LRRC37A2: variants seen among roughly 807,000 people sequenced by gnomAD.
LRRC37A2 encodes leucine rich repeat containing 37 member A2, also known as leucine-rich repeat-containing protein 37A2.
In LRRC37A2, 9 loss-of-function variants were observed where a neutral mutation model predicts 68.8. The ratio of observed to expected loss-of-function variants is 0.13; its 90% CI spans 0.08 to 0.23. The LOEUF (loss-of-function observed/expected upper bound fraction) is 0.23, where lower values mean the gene tolerates loss of function less well. Among genes scored for constraint, LRRC37A2 ranks in the 10% least tolerant of loss-of-function variants. LRRC37A2 has a pLI of 1.00. For missense variants in LRRC37A2, 168 were observed against 950.4 expected (o/e 0.18, Z 10.82); for synonymous variants, 63 against 367.6 (o/e 0.17, Z 9.48).
the LRRC37A2 span, among the ~76,000 whole-genome samples, chr17:46,786,093 A>T: frequency 8.9e-6 from 1 of 112,694 alleles, no homozygotes; most frequent in Non-Finnish European, 1.6e-5. Context: ...CAGGAAAGTG[A>T]AGTTGATAAG....
the LRRC37A2 span, among the ~76,000 whole-genome samples, chr17:46,733,452 G>A: frequency 6.6e-6 from 1 of 152,076 alleles, no homozygotes; most frequent in East Asian, 1.9e-4. Context: ...GAGTAGTTAA[G>A]CCTATTAACC....
chr17:46,907,504 C>T, the LRRC37A2 span, among the ~76,000 whole-genome samples: 1 of 151,400 alleles, frequency 6.6e-6, no homozygotes, highest in African/African-American at 2.4e-5. Flanking sequence ...CAGCTCTTGG[C>T]ATAAACAACA....
At chr17:46,541,046 A>G (rs1286467548) in intron 8 of LRRC37A2, among the ~76,000 whole-genome samples, 165 bp downstream of exon 7, 1 of 128,580 alleles carries the variant, frequency 7.8e-6, no homozygotes, top group East Asian at 2.3e-4. Context: ...TTACATAACC[A>G]CCACCACATT....
At chr17:46,553,618 GCAC>G (rs1433181574) in intron 12 of LRRC37A2, 169 bp downstream of exon 11, 1 of 483,226 alleles carries the variant, frequency 2.1e-6, no homozygotes, top group South Asian at 9.7e-5. Flanking sequence ...TTACAGGCAT[GCAC>G]CACTAGTCTC....
At chr17:46,413,481 TACACACACACACAC>T in the LRRC37A2 span, among the ~76,000 whole-genome samples, 5 of 24,766 alleles carry the variant, frequency 2.0e-4, no homozygotes, top group African/African-American at 3.0e-4. Context: ...TCTCTCTCTG[TACACACACACACAC>T]ACACACACAC....
At chr17:46,845,683 T>C in the LRRC37A2 span, among the ~76,000 whole-genome samples, 1 of 151,276 alleles carries the variant, frequency 6.6e-6, no homozygotes, top group East Asian at 1.9e-4. Flanking sequence ...TAGAGATGGG[T>C]TTCACCATCT....
At chr17:46,952,000 G>T in the LRRC37A2 span, among the ~76,000 whole-genome samples, 35 of 152,236 alleles carry the variant, frequency 2.3e-4, no homozygotes, top group Middle Eastern at 3.4e-3. Context: ...GCTATATTTG[G>T]TTCCTGCAAT....
At chr17:46,606,031 T>C in the LRRC37A2 span, among the ~76,000 whole-genome samples, 1 of 72,736 alleles carries the variant, frequency 1.4e-5, no homozygotes, top group East Asian at 4.0e-4. Context: ...AAAAAAAAAT[T>C]AGCCGGGTGT....
At chr17:47,021,944 T>C in the LRRC37A2 span, 1 of 1,502,266 alleles carries the variant, frequency 6.7e-7, no homozygotes, top group Non-Finnish European at 9.2e-7. Flanking sequence ...TCTCCAAATA[T>C]GACAAAAAGC....
the LRRC37A2 span, among the ~76,000 whole-genome samples, chr17:46,585,175 G>A: frequency 6.9e-6 from 1 of 145,626 alleles, no homozygotes; most frequent in African/African-American, 2.6e-5. Context: ...AAATTAGCCA[G>A]GTATGGTGGT....
At chr17:46,915,808 T>C in the LRRC37A2 span, among the ~76,000 whole-genome samples, 5 of 152,246 alleles carry the variant, frequency 3.3e-5, no homozygotes, top group African/African-American at 1.2e-4. Context: ...ACCTGACAAG[T>C]AGATTGCTTC....
the LRRC37A2 span, among the ~76,000 whole-genome samples, chr17:46,776,962 C>T: frequency 6.6e-6 from 1 of 152,174 alleles, no homozygotes; most frequent in African/African-American, 2.4e-5. Flanking sequence ...CCTGGGCACC[C>T]TCAAGCTAAA....
the LRRC37A2 span, among the ~76,000 whole-genome samples, chr17:46,912,817 T>C: frequency 6.6e-6 from 1 of 152,042 alleles, no homozygotes; most frequent in Non-Finnish European, 1.5e-5. Context: ...CCATCAGAGG[T>C]GTCCTGTTTA....
the LRRC37A2 span, among the ~76,000 whole-genome samples, chr17:46,944,396 A>G: frequency 6.6e-6 from 1 of 152,150 alleles, no homozygotes; most frequent in Non-Finnish European, 1.5e-5. Flanking sequence ...AATGGGGGTA[A>G]CACCTGTCCC....
chr17:46,497,257 C>T, the LRRC37A2 span, among the ~76,000 whole-genome samples: 2 of 141,640 alleles, frequency 1.4e-5, no homozygotes, highest in Non-Finnish European at 3.0e-5. Flanking sequence ...AATCTGACAG[C>T]GTCTTTTAAT....
the LRRC37A2 span, among the ~76,000 whole-genome samples, chr17:46,816,046 G>A: frequency 2.0e-5 from 3 of 152,156 alleles, no homozygotes; most frequent in East Asian, 3.9e-4. Flanking sequence ...CATGAGCACT[G>A]ATATTCATGC....
the LRRC37A2 span, among the ~76,000 whole-genome samples, chr17:46,989,193 C>T: frequency 7.9e-5 from 12 of 152,156 alleles, no homozygotes; most frequent in African/African-American, 2.4e-4. Flanking sequence ...AAGGACAGAA[C>T]GTGTTGTAGG....
the LRRC37A2 span, among the ~76,000 whole-genome samples, chr17:46,489,612 G>A: frequency 6.7e-6 from 1 of 148,304 alleles, no homozygotes; most frequent in East Asian, 2.0e-4. Flanking sequence ...CAGCCTTTCA[G>A]GTAGCTGGGA....
At chr17:46,991,203 G>A in the LRRC37A2 span, among the ~76,000 whole-genome samples, 31 of 152,200 alleles carry the variant, frequency 2.0e-4, no homozygotes, top group Non-Finnish European at 3.5e-4. Context: ...AACTGGTCTA[G>A]AAGACCCCTA....
Sources: allele counts gnomAD v4.1 joint callset (sites outside exome capture counted in the v4.1 genomes callset), GRCh38; gene constraint gnomAD v4.1.1; transcripts MANE v1.5; gene names NCBI Gene and HGNC (gene_info 2026-07-23, HGNC 2026-07-21).